The following ZNF646 variants were observed in gnomAD, a reference collection of about 807,000 sequenced individuals.
ZNF646 encodes the protein zinc finger protein 646.
Under a neutral mutation model 115.4 loss-of-function variants are expected in ZNF646, and 49 were observed. The ratio of observed to expected loss-of-function variants is 0.42; its 90% CI spans 0.34 to 0.54. The LOEUF (loss-of-function observed/expected upper bound fraction) is 0.54. ZNF646 is among the 20% of genes least tolerant of loss of function. The probability of loss-of-function intolerance (pLI) is 0.04; values close to 1 mark genes in which losing one functional copy is unlikely to be tolerated. For missense variants in ZNF646, 2,269 were observed against 2,457.9 expected (o/e 0.92, Z 1.62); for synonymous variants, 933 against 939.0 (o/e 0.99, Z 0.12).
At chr16:31,075,670 C>T (rs117095799) in intron 1 of ZNF646, among the ~76,000 whole-genome samples, 2,519 of 152,202 alleles carry the variant, frequency 0.017, 196 homozygotes, top group Admixed American at 0.13. Context: ...TGAAATGACT[C>T]GGGGTGGTGG....
chr16:31,083,876 A>T lies in ZNF646; in HGVS notation c.*784A>T. ...GGCTTTGGTCCCTCCCTCCCTCCCC[A>T]TTCCTCGAAGGAACAGGGTCTGTCT... is the stretch of plus-strand genomic sequence containing the variant. On this transcript the variant is annotated 3_prime_UTR_variant, in exon 3 of 3. Transcript: ENST00000300850. 6.8e-7 allele frequency: 1 copy of T among 1,477,724 alleles called. No individual in the cohort carries two copies. Among genetic ancestry groups the T allele is most frequent in the Non-Finnish European group, 9.2e-7 (1 of 1,082,786 alleles). The allele number at this position is 1,477,724 out of a possible 1,614,324, so 91.5% of individuals were successfully genotyped here.
At position 31,083,014 on chromosome 16, in the gene ZNF646, G is replaced by GCCCCCCCCC; in HGVS notation, c.5426_5427insCCCCCCCCC (p.Pro1809_Pro1811dup). 6.2e-7 allele frequency: 1 copy of GCCCCCCCCC among 1,601,252 alleles called. No homozygotes were observed. The highest frequency in any genetic ancestry group is 8.5e-7 in the Non-Finnish European group (1 of 1,175,228). On this transcript the variant is annotated inframe_insertion, in exon 3 of 3. Coordinates refer to ENST00000300850, the MANE Select transcript of ZNF646 (RefSeq NM_014699.4). The stretch of plus-strand genomic sequence containing the variant: ...TGACGGGCAGAGGGGACTTGCCATT[G>GCCCCCCCCC]CCCCCTCCACCCACCCCCACGACCC...
rs2057086099 is a variant in ZNF646, at chr16:31,077,007, C to T, written c.683C>T (p.Thr228Ile). Residue 228 changes from threonine (T) to isoleucine (I), a missense_variant, in exon 2 of 3, where the codon ACC becomes ATC. Around this residue, in one of 5 missense-constraint regions of ZNF646, gnomAD observed 334 missense variants for 323.5 expected, o/e 1.03. Transcript: ENST00000300850. ...AACTTCACAGGGGGCCAGGAGCCCA[C>T]CCAGTCCCCTCCTGCTGAGGAGGAG... Reference protein sequence around the residue: ...VVNFTGGQEPTQSPPAEEERR... With the variant: ...VVNFTGGQEPIQSPPAEEERR... 1.2e-6 allele frequency: 2 copies of T among 1,613,862 alleles called. No homozygotes were observed. Among genetic ancestry groups the T allele is most frequent in the East Asian group, 2.2e-5 (1 of 44,880 alleles).
chr16:31,072,921 A>C (rs936201863), upstream of ZNF646: 1 of 152,324 alleles, frequency 6.6e-6, no homozygotes, highest in Non-Finnish European at 1.5e-5. Flanking sequence ...TGCCCTCAGG[A>C]ATACTTTATG....
chr16:31,076,293 T>C lies in ZNF646; in HGVS notation c.-32T>C. On this transcript the variant is annotated 5_prime_UTR_variant, in exon 2 of 3. Coordinates refer to ENST00000300850, the MANE Select transcript of ZNF646 (RefSeq NM_014699.4). ...AAGGTGCTGCCACGTGTCTGCTCCT[T>C]CTGAACCTCCAGGTTTCTGCTACGT... The C allele has an allele frequency of 1.3e-6, 2 of 1,577,680 alleles. No individual in the cohort carries two copies. The highest frequency in any genetic ancestry group is 1.2e-5 in the South Asian group (1 of 86,550).
At chr16:31,074,838 G>T (rs2057056548) in intron 1 of ZNF646, 2 of 152,276 alleles carry the variant, frequency 1.3e-5, no homozygotes, top group African/African-American at 4.8e-5. Flanking sequence ...AGAATTCCGG[G>T]GGCAGGTTCA....
chr16:31,074,490 C>A lies in ZNF646; in HGVS notation c.-221C>A. 6.6e-6 allele frequency: 1 copy of A among 152,624 alleles called. No individual in the cohort carries two copies. The highest frequency in any genetic ancestry group is 1.5e-5 in the Non-Finnish European group (1 of 68,150). The allele number at this position is 152,624 out of a possible 1,614,324, so 9.5% of individuals were successfully genotyped here. A position where few individuals can be genotyped will look rare whatever the true frequency, so the allele number is the denominator to read the frequency against. ...GCTCATGCCAGCTGCGCCCTCTTTT[C>A]TCTACCTCCTTCCTCTTCCCCCCTT... On this transcript the variant is annotated 5_prime_UTR_variant, in exon 1 of 3. Coordinates refer to ENST00000300850, the MANE Select transcript of ZNF646 (RefSeq NM_014699.4).
At chr16:31,082,838 G>A in intron 2 of ZNF646, 133 bp from the exon 3 acceptor site, 1 of 1,200,424 alleles carries the variant, frequency 8.3e-7, no homozygotes, top group Non-Finnish European at 1.1e-6. Context: ...AAATAATTAG[G>A]AGGCCTAGAA....
chr16:31,084,179 C>T lies in ZNF646; in HGVS notation c.*1087C>T. 6.2e-7 allele frequency: 1 copy of T among 1,608,216 alleles called. No individual in the cohort carries two copies. Among genetic ancestry groups the T allele is most frequent in the Non-Finnish European group, 8.5e-7 (1 of 1,177,662 alleles). On this transcript the variant is annotated 3_prime_UTR_variant, in exon 3 of 3. Coordinates refer to ENST00000300850, the MANE Select transcript of ZNF646 (RefSeq NM_014699.4). ...GGCTCTGGTTCCTCGGCGAAGTAGA[C>T]CTGCCAGTCCAAACTGCTGACCCAG...
At position 31,083,795 on chromosome 16, in the gene ZNF646, A is replaced by T; in HGVS notation, c.*703A>T. 6.2e-7 allele frequency: 1 copy of T among 1,614,102 alleles called. No individual in the cohort carries two copies. Among genetic ancestry groups the T allele is most frequent in the Non-Finnish European group, 8.5e-7 (1 of 1,179,948 alleles). ...GAGAATGGCCAGGTCCCCTGTCAGC[A>T]GCTGGTTGGTTGGCCTGTGGGGAAG... On this transcript the variant is annotated 3_prime_UTR_variant, in exon 3 of 3. Coordinates refer to ENST00000300850, the MANE Select transcript of ZNF646 (RefSeq NM_014699.4).
In ZNF646 at chr16:31,081,241, G is replaced by A. The variant is rs761856799; in HGVS notation, c.4917G>A (p.Gly1639=). The part of the protein sequence containing the change: ...GEDQVVLPGQ[G]KAQEAPSETP... ...ACCAGGTGGTTCTCCCTGGTCAAGG[G>A]AAAGCCCAGGAGGCCCCATCAGAAA... The change falls in exon 2 of 3, where the codon GGG becomes GGA. Residue 1639 remains glycine (G), a synonymous_variant. Coordinates refer to ENST00000300850, the MANE Select transcript of ZNF646 (RefSeq NM_014699.4). 9 of 1,595,036 alleles carry A rather than the reference G, an allele frequency of 5.6e-6. No individual in the cohort carries two copies. Among genetic ancestry groups the A allele is most frequent in the Non-Finnish European group, 7.7e-6 (9 of 1,169,334 alleles).
At chr16:31,075,711 G>A (rs1159177497) in intron 1 of ZNF646, among the ~76,000 whole-genome samples, 3 of 152,316 alleles carry the variant, frequency 2.0e-5, no homozygotes, top group East Asian at 1.9e-4. Context: ...CCTGAAGGAG[G>A]CCTCTAACCT....
In ZNF646 at chr16:31,077,447, C is replaced by T. The variant is rs775251138; in HGVS notation, c.1123C>T (p.Arg375Cys). Residue 375 changes from arginine to cysteine, a missense_variant, in exon 2 of 3, where the codon CGC becomes TGC. This residue lies in a region of ZNF646 where 852 missense variants were observed against 900.2 expected (regional missense o/e 0.95). Coordinates refer to ENST00000300850, the MANE Select transcript of ZNF646 (RefSeq NM_014699.4). ...DSGLEEYRPF[R>C]CGDCGRTYRH... ...TGGCCTGGAGGAATACCGGCCTTTC[C>T]GCTGTGGGGACTGTGGCCGTACTTA... 57 of 1,613,008 alleles carry T rather than the reference C, an allele frequency of 3.5e-5. No individual in the cohort carries two copies. The highest frequency in any genetic ancestry group is 4.6e-5 in the Non-Finnish European group (54 of 1,179,934).
At position 31,076,392 on chromosome 16, in the gene ZNF646, T is replaced by A; in HGVS notation, c.68T>A (p.Leu23His). ...CGCCACTTTCCCAGCCTCCCAGAGC[T>A]CTCTCGGCACCGAGAACTGCTCCAT... ...CQRHFPSLPE[L>H]SRHRELLHPS... Residue 23 changes from leucine (L) to histidine (H), a missense_variant, in exon 2 of 3, where the codon CTC becomes CAC. Physicochemically the swap from Leu to His is moderately conservative, Grantham distance 99 (BLOSUM62 -3). Transcript: ENST00000300850. 1 of 1,613,390 alleles carries A rather than the reference T, an allele frequency of 6.2e-7. No homozygotes were observed. Among genetic ancestry groups the A allele is most frequent in the Non-Finnish European group, 8.5e-7 (1 of 1,179,832 alleles).
In ZNF646 at chr16:31,076,315, A is replaced by G; in HGVS notation, c.-10A>G. ...CCTTCTGAACCTCCAGGTTTCTGCT[A>G]CGTTGCCCCATGGAGGACACACCCC... On this transcript the variant is annotated 5_prime_UTR_variant, in exon 2 of 3. Coordinates refer to ENST00000300850, the MANE Select transcript of ZNF646 (RefSeq NM_014699.4). 3.8e-6 allele frequency: 6 copies of G among 1,597,612 alleles called. No homozygotes were observed. Among genetic ancestry groups the G allele is most frequent in the East Asian group, 4.5e-5 (2 of 44,576 alleles).
Position 31,078,394 on chromosome 16 carries a change from G to A in ZNF646, c.2070G>A (p.Leu690=). Residue 690 remains leucine, a synonymous_variant, in exon 2 of 3, where the codon CTG becomes CTA. Transcript: ENST00000300850. ...GCGGTGGGAGAGAAGCCAAACTCCTGGCAGCGGAGAGCTGGACCCGGGAGC... is the reference window on the plus strand; with the variant it reads ...GCGGTGGGAGAGAAGCCAAACTCCTAGCAGCGGAGAGCTGGACCCGGGAGC... ...GASGGREAKL[L]AAESWTRELE... The A allele has an allele frequency of 6.2e-7, 1 of 1,611,924 alleles. No individual in the cohort carries two copies.
At position 31,080,416 on chromosome 16, in the gene ZNF646, G is replaced by T. The variant is rs773276692; in HGVS notation, c.4092G>T (p.Val1364=). ...CTGGACGGTCCAGGCGCACAGCTGT[G>T]CGTTGCGCCCTCTGTGGCCGCAGCT... ...RRAGRSRRTA[V]RCALCGRSFP... is the part of the protein sequence containing the mutation. The change falls in exon 2 of 3, where the codon GTG becomes GTT. Residue 1364 remains valine (V), a synonymous_variant. Transcript: ENST00000300850. 3.7e-6 allele frequency: 6 copies of T among 1,613,074 alleles called. No individual in the cohort carries two copies. In the Admixed American group the frequency reaches 6.7e-5, roughly 18 times the overall value.
upstream of ZNF646, chr16:31,073,740 G>C (rs1296841753): frequency 2.6e-5 from 4 of 152,254 alleles, no homozygotes; most frequent in South Asian, 2.1e-4. Flanking sequence ...AACAGGGGCC[G>C]GCGCTAGGAC....
intron 1 of ZNF646, among the ~76,000 whole-genome samples, chr16:31,075,218 G>A (rs2057061454): frequency 1.3e-5 from 2 of 152,194 alleles, no homozygotes; most frequent in African/African-American, 4.8e-5. Flanking sequence ...ATTACAACCT[G>A]GTATTGATGT....
Sources: allele counts gnomAD v4.1 joint callset (sites outside exome capture counted in the v4.1 genomes callset), GRCh38; gene constraint gnomAD v4.1.1; regional missense constraint gnomAD v4.1.1; transcripts MANE v1.5; gene names NCBI Gene and HGNC (gene_info 2026-07-23, HGNC 2026-07-21).